The following RYR3 variants were observed in gnomAD, a reference collection of about 807,000 sequenced individuals.
RYR3 encodes ryanodine receptor 3, also known as brain ryanodine receptor-calcium release channel.
RYR3 carries 207 observed loss-of-function variants against 584.3 expected under a neutral mutation model. The ratio of observed to expected loss-of-function variants is 0.35; its 90% CI spans 0.32 to 0.40. The LOEUF is 0.40. Among genes scored for constraint, RYR3 ranks in the 10% least tolerant of loss-of-function variants. The pLI, the probability that RYR3 is intolerant of heterozygous loss-of-function variation, is 1.00. For missense variants in RYR3, 5,616 were observed against 6,089.2 expected (o/e 0.92, Z 2.59); for synonymous variants, 2,416 against 2,248.5 (o/e 1.07, Z -2.11).
chr15:33,473,280 A>T (rs2049085947), intron 1 of RYR3, 139 bp from the exon 2 acceptor site: 1 of 959,106 alleles, frequency 1.0e-6, no homozygotes. Flanking sequence ...CTCCTTCCGT[A>T]ATCAGGTTTA....
At chr15:33,510,757 A>G (rs928312980) in intron 3 of RYR3, among the ~76,000 whole-genome samples, 8 of 152,118 alleles carry the variant, frequency 5.3e-5, no homozygotes, top group Non-Finnish European at 8.8e-5. Flanking sequence ...TAAAGTTTCA[A>G]TGTGTTTTTT....
Position 33,853,586 on chromosome 15 carries a change from C to G in RYR3, c.13703C>G (p.Ala4568Gly), listed in dbSNP as rs781534259. ...VINKYGDLYG[A>G]ERIAELLGLD... ...AACAAGTATGGAGATCTCTACGGAGCAGAACGCATTGCTGAACTTCTGGGT... is the reference window on the plus strand; with the variant it reads ...AACAAGTATGGAGATCTCTACGGAGGAGAACGCATTGCTGAACTTCTGGGT... The change falls in exon 96 of 104, where the codon GCA becomes GGA. Residue 4568 changes from alanine to glycine, a missense_variant. Physicochemically the swap from Ala to Gly is moderately conservative, Grantham distance 60 (BLOSUM62 0). This residue lies in a region of RYR3 where 918 missense variants were observed against 887.4 expected (regional missense o/e 1.03). Transcript: ENST00000634891. 3 of 1,613,856 alleles carry G rather than the reference C, an allele frequency of 1.9e-6. No individual in the cohort carries two copies. The highest frequency in any genetic ancestry group is 2.5e-6 in the Non-Finnish European group (3 of 1,179,884).
Position 33,390,006 on chromosome 15 carries a change from T to C in RYR3, c.51+78910T>C, listed in dbSNP as rs2141271711. Among the ~76,000 whole-genome samples, 1 of 152,380 alleles carries C rather than the reference T, an allele frequency of 6.6e-6. No individual in the cohort carries two copies. Among genetic ancestry groups the C allele is most frequent in the South Asian group, 2.1e-4 (1 of 4,826 alleles). On this transcript the variant is annotated intron_variant, in intron 1 of 103. Coordinates refer to ENST00000634891, the MANE Select transcript of RYR3 (RefSeq NM_001036.6). The surrounding 1 kb of genome is among the most constrained non-coding windows in gnomAD (Gnocchi z 4.2). The stretch of plus-strand genomic sequence containing the variant: ...AATGAAGAGGGCCATGTATTTAGGC[T>C]ATGCTGATTAGTTTCCAATTTCTAT...
rs554705599 is a variant in RYR3, at chr15:33,444,562, A to T, written c.52-28857A>T. Among the ~76,000 whole-genome samples, 18 of 152,302 alleles carry T rather than the reference A, an allele frequency of 1.2e-4. No homozygotes were observed. The Middle Eastern group carries it at 0.01, about 86-fold the overall frequency. On this transcript the variant is annotated intron_variant, in intron 1 of 103. Transcript: ENST00000634891. ...GTTTACATACTAGTAGAGAAGAGAC[A>T]AGTAAGCTCAGGAATAAGTAAGGAT...
rs772208819 is a variant in RYR3, at chr15:33,601,477, A to G, written c.1847A>G (p.Gln616Arg). 1 of 1,613,622 alleles carries G rather than the reference A, an allele frequency of 6.2e-7. No homozygotes were observed. Residue 616 changes from glutamine (Q) to arginine (R), a missense_variant, in exon 17 of 104, where the codon CAG becomes CGG. Physicochemically the swap from Gln to Arg is conservative, Grantham distance 43. Transcript: ENST00000634891. The part of the protein sequence containing the change: ...LCNGVAVRAN[Q>R]NLICDNLLPR... The stretch of plus-strand genomic sequence containing the variant: ...AATGGGGTTGCAGTGAGAGCCAACC[A>G]GAATCTGATCTGTGACAACTTGCTG...
At chr15:33,416,081 AT>A (rs1443174355) in intron 1 of RYR3, among the ~76,000 whole-genome samples, 2 of 151,890 alleles carry the variant, frequency 1.3e-5, no homozygotes, top group Admixed American at 6.6e-5. Flanking sequence ...TATATCCCAC[AT>A]TTTCTTTATC....
rs1567305160 is a variant in RYR3, at chr15:33,844,988, C to T, written c.13423C>T (p.Pro4475Ser). 6.2e-7 allele frequency: 1 copy of T among 1,613,970 alleles called. No individual in the cohort carries two copies. The highest frequency in any genetic ancestry group is 8.5e-7 in the Non-Finnish European group (1 of 1,179,886). The change falls in exon 93 of 104, where the codon CCA (proline) becomes TCA (serine). Residue 4475 changes from proline to serine, a missense_variant. Transcript: ENST00000634891. ...VLQESTGYMAPTLRALAIIHT... is the reference protein window; with the variant it reads ...VLQESTGYMASTLRALAIIHT... ...TCAGGAGAGCACCGGGTATATGGCA[C>T]CAACCCTGCGTGCCCTGGCCATCAT...
intron 1 of RYR3, among the ~76,000 whole-genome samples, chr15:33,407,770 A>G (rs965945184): frequency 1.3e-5 from 2 of 152,042 alleles, no homozygotes; most frequent in Non-Finnish European, 2.9e-5. Context: ...AGAAAACAGG[A>G]GCATAAAATC....
At chr15:33,719,163 C>G (rs987499266) in intron 43 of RYR3, among the ~76,000 whole-genome samples, 2 of 152,224 alleles carry the variant, frequency 1.3e-5, no homozygotes, top group Non-Finnish European at 2.9e-5. Flanking sequence ...TCAGCTCCTT[C>G]GTCTTAGAGC....
At chr15:33,695,107 C>T (rs1425263301) in intron 38 of RYR3, among the ~76,000 whole-genome samples, 1 of 152,190 alleles carries the variant, frequency 6.6e-6, no homozygotes, top group South Asian at 2.1e-4. Flanking sequence ...CCTTCATTGT[C>T]CCCTTGGCAC....
intron 20 of RYR3, among the ~76,000 whole-genome samples, chr15:33,627,873 G>A (rs1041939358): frequency 6.6e-6 from 1 of 152,086 alleles, no homozygotes; most frequent in Non-Finnish European, 1.5e-5. Flanking sequence ...CCCTCAGAAG[G>A]ACACTTAGGA....
Position 33,837,674 on chromosome 15 carries a change from A to G in RYR3, c.11694A>G (p.Thr3898=). 2.5e-6 allele frequency: 4 copies of G among 1,605,068 alleles called. No individual in the cohort carries two copies. Among genetic ancestry groups the G allele is most frequent in the Non-Finnish European group, 2.6e-6 (3 of 1,175,462 alleles). The part of the protein sequence containing the change: ...NGTIGKQMVD[T]LVESSTNVEM... ...CCATTGGCAAGCAGATGGTTGACAC[A>G]CTGGTAGAATCATCTACCAATGTAG... Residue 3898 remains threonine, a synonymous_variant, in exon 89 of 104, where the codon ACA becomes ACG. Coordinates refer to ENST00000634891, the MANE Select transcript of RYR3 (RefSeq NM_001036.6).
intron 81 of RYR3, among the ~76,000 whole-genome samples, chr15:33,824,675 CAT>C (rs1395442488): frequency 2.0e-5 from 3 of 152,144 alleles, no homozygotes; most frequent in African/African-American, 7.2e-5. Flanking sequence ...AATCACAAAA[CAT>C]GTGACTCCTT....
chr15:33,682,822 G>A (rs1374957384), intron 38 of RYR3, among the ~76,000 whole-genome samples: 1 of 152,174 alleles, frequency 6.6e-6, no homozygotes, highest in African/African-American at 2.4e-5. Flanking sequence ...AACAAGGTCT[G>A]CTGAGGCGTC....
At chr15:33,435,175 G>A (rs1002019051) in intron 1 of RYR3, among the ~76,000 whole-genome samples, 1 of 152,086 alleles carries the variant, frequency 6.6e-6, no homozygotes, top group Non-Finnish European at 1.5e-5. Flanking sequence ...AGGTAAATTT[G>A]TATCACTAGG....
chr15:33,747,040 A>T lies in RYR3; in HGVS notation c.7989+883A>T, dbSNP rs148841278. 3.3e-3 allele frequency among the ~76,000 whole-genome samples: 506 copies of T among 151,560 alleles called. 3 individuals carry two copies. The highest frequency in any genetic ancestry group is 0.017 in the East Asian group (83 of 5,020). On this transcript the variant is annotated intron_variant, in intron 53 of 103. Coordinates refer to ENST00000634891, the MANE Select transcript of RYR3 (RefSeq NM_001036.6). ...TGGCCAGGCTGGTCTTGAACCCCTG[A>T]CCTCAAGCAATCCTCCCACCTCGGC...
At chr15:33,431,920 G>A (rs2141740028) in intron 1 of RYR3, among the ~76,000 whole-genome samples, 1 of 152,312 alleles carries the variant, frequency 6.6e-6, no homozygotes, top group East Asian at 1.9e-4. Context: ...GGGGCCAGGA[G>A]ACGTTTTTGC....
intron 36 of RYR3, among the ~76,000 whole-genome samples, chr15:33,668,931 A>C (rs923413981): frequency 3.3e-5 from 5 of 152,188 alleles, no homozygotes; most frequent in Non-Finnish European, 7.4e-5. Flanking sequence ...TAATTCTTCC[A>C]TATAATTACA....
At chr15:33,474,022 G>C (rs560972460) in intron 2 of RYR3, among the ~76,000 whole-genome samples, 14 of 152,216 alleles carry the variant, frequency 9.2e-5, no homozygotes, top group Non-Finnish European at 1.9e-4. Context: ...AGGGCAGAGA[G>C]TAATGTTTGC....
Sources: gnomAD v4.1 joint callset for allele counts (sites outside exome capture counted in the v4.1 genomes callset) on GRCh38, gnomAD v4.1.1 for gene constraint, gnomAD v4.1.1 regional missense constraint, Gnocchi (gnomAD v3.1) non-coding constraint, MANE v1.5 for transcripts, NCBI Gene and HGNC (gene_info 2026-07-23, HGNC 2026-07-21) for gene names.